Variants in ESRRG observed in about 807,000 individuals in gnomAD.
ESRRG encodes the protein estrogen related receptor gamma.
In ESRRG, 13 loss-of-function variants were observed where a neutral mutation model predicts 44.0. That is an observed-to-expected ratio of 0.30 (90% CI 0.19 to 0.47). The LOEUF (loss-of-function observed/expected upper bound fraction) is 0.47. Ranked by LOEUF, ESRRG falls within the 20% of genes least tolerant of loss-of-function variation. The pLI, the probability that ESRRG is intolerant of heterozygous loss-of-function variation, is 1.00. For synonymous variants in ESRRG, 215 were observed against 214.6 expected, an observed-to-expected ratio of 1.00 and a Z score of -0.02; for missense variants, 395 against 580.6, an observed-to-expected ratio of 0.68 and a Z score of 3.29.
intron 5 of ESRRG, among the ~76,000 whole-genome samples, chr1:216,525,238 G>T (rs1384835738): frequency 6.6e-6 from 1 of 152,026 alleles, no homozygotes; most frequent in African/African-American, 2.4e-5. Context: ...TTTAACAACT[G>T]CCAGCCTACT....
intron 1 of ESRRG, among the ~76,000 whole-genome samples, chr1:217,129,762 A>C (rs1297563698): frequency 6.6e-6 from 1 of 152,194 alleles, no homozygotes; most frequent in Admixed American, 6.5e-5. Context: ...AGGCAAACCC[A>C]TAGAGACAGA....
intron 2 of ESRRG, among the ~76,000 whole-genome samples, chr1:216,659,126 C>A (rs2071572005): frequency 6.6e-6 from 1 of 152,052 alleles, no homozygotes; most frequent in Non-Finnish European, 1.5e-5. Flanking sequence ...CAGTTTTGGT[C>A]CCTTTTCTGA....
chr1:217,088,858 C>G (rs571545670), intron 1 of ESRRG, among the ~76,000 whole-genome samples: 82 of 152,014 alleles, frequency 5.4e-4, no homozygotes, highest in Non-Finnish European at 1.1e-3. Flanking sequence ...CCTGCAGAGG[C>G]TCTAACAGAC....
At chr1:217,005,733 A>G (rs999243233) in intron 1 of ESRRG, among the ~76,000 whole-genome samples, 4 of 151,852 alleles carry the variant, frequency 2.6e-5, no homozygotes, top group African/African-American at 9.7e-5. Flanking sequence ...TTAGGAAAAA[A>G]ATTTTTAATA....
At chr1:216,553,687 C>T (rs974200939) in intron 5 of ESRRG, among the ~76,000 whole-genome samples, 3 of 151,996 alleles carry the variant, frequency 2.0e-5, no homozygotes, top group Non-Finnish European at 2.9e-5. Context: ...TGCACTAGTA[C>T]ATTTAAATTC....
At chr1:216,657,392 T>C (rs1469676024) in intron 2 of ESRRG, among the ~76,000 whole-genome samples, 2 of 152,200 alleles carry the variant, frequency 1.3e-5, no homozygotes, top group African/African-American at 4.8e-5. Flanking sequence ...TACTTTTTGG[T>C]GCTTCCTTTA....
chr1:216,708,127 T>G (rs902620569), intron 1 of ESRRG, among the ~76,000 whole-genome samples: 2 of 152,156 alleles, frequency 1.3e-5, no homozygotes, highest in Non-Finnish European at 2.9e-5. Context: ...ATATTCAACG[T>G]GTGTTAAGAC....
chr1:216,628,933 T>C (rs960929418), intron 3 of ESRRG, among the ~76,000 whole-genome samples: 2 of 152,140 alleles, frequency 1.3e-5, no homozygotes, highest in Admixed American at 1.3e-4. Context: ...GGAGCAAAAC[T>C]CTCTCTCAGC....
intron 5 of ESRRG, among the ~76,000 whole-genome samples, chr1:216,545,712 A>C (rs1202885730): frequency 6.6e-6 from 1 of 152,070 alleles, no homozygotes; most frequent in Non-Finnish European, 1.5e-5. Context: ...CTTTCTCCCC[A>C]TTATATGTGA....
intron 1 of ESRRG, among the ~76,000 whole-genome samples, chr1:216,994,660 C>A (rs1038560309): frequency 1.8e-4 from 27 of 152,162 alleles, no homozygotes; most frequent in African/African-American, 6.0e-4. Flanking sequence ...CGGCTCACTG[C>A]AAGCTCCATC....
rs78408606 is a variant in ESRRG, at chr1:216,835,179, C to T, written c.-14+104403G>A. ...ATCAGAGTTGAATCTTTGGTAACAC[C>T]GTGTTGAAAGAAAAACTTCAGCTGA... is the stretch of plus-strand genomic sequence containing the variant. On this transcript the variant is annotated intron_variant, in intron 2 of 7. Transcript: ENST00000359162. Among the ~76,000 whole-genome samples, 12 of 152,074 alleles carry T rather than the reference C, an allele frequency of 7.9e-5. No individual in the cohort carries two copies. In the East Asian group the frequency reaches 2.1e-3, roughly 27 times the overall value.
At chr1:217,062,373 AAC>A (rs774888316) in intron 1 of ESRRG, among the ~76,000 whole-genome samples, 2 of 152,138 alleles carry the variant, frequency 1.3e-5, no homozygotes, top group Non-Finnish European at 2.9e-5. Flanking sequence ...CTGCCTATTA[AAC>A]ACCCTACCTT....
intron 3 of ESRRG, among the ~76,000 whole-genome samples, chr1:216,634,553 C>T (rs2064904029): frequency 6.6e-6 from 1 of 152,176 alleles, no homozygotes; most frequent in African/African-American, 2.4e-5. Context: ...AAACTGCATC[C>T]AAATCCTTTT....
intron 1 of ESRRG, among the ~76,000 whole-genome samples, chr1:217,013,084 G>A (rs1321394076): frequency 6.6e-6 from 1 of 152,160 alleles, no homozygotes; most frequent in African/African-American, 2.4e-5. Flanking sequence ...GATAATCCTG[G>A]ATTGGAGCTC....
At chr1:216,686,973 C>T (rs1006208112) in intron 1 of ESRRG, among the ~76,000 whole-genome samples, 5 of 151,990 alleles carry the variant, frequency 3.3e-5, no homozygotes, top group African/African-American at 9.7e-5. Flanking sequence ...CCCAAACTTC[C>T]ATTTCCTTTG....
intron 2 of ESRRG, among the ~76,000 whole-genome samples, chr1:216,674,040 T>G (rs1427987583): frequency 6.6e-6 from 1 of 152,236 alleles, no homozygotes; most frequent in Non-Finnish European, 1.5e-5. Context: ...AAATATTTGC[T>G]TATCTTTGTG....
At chr1:217,058,494 T>G (rs1393904576) in intron 1 of ESRRG, among the ~76,000 whole-genome samples, 2 of 152,088 alleles carry the variant, frequency 1.3e-5, no homozygotes, top group Non-Finnish European at 2.9e-5. Flanking sequence ...ATATAGTTAC[T>G]TGTGGACTTA....
chr1:216,839,033 C>A (rs1238997863), intron 2 of ESRRG, among the ~76,000 whole-genome samples: 1 of 152,140 alleles, frequency 6.6e-6, no homozygotes, highest in Non-Finnish European at 1.5e-5. Context: ...GATTATCCTG[C>A]ACGCAGGGTA....
intron 1 of ESRRG, among the ~76,000 whole-genome samples, chr1:217,050,566 T>C (rs1032990377): frequency 6.6e-6 from 1 of 152,106 alleles, no homozygotes; most frequent in Admixed American, 6.5e-5. Context: ...TGGGGATCAA[T>C]TGACAAAATG....
Sources: allele counts gnomAD v4.1 joint callset (sites outside exome capture counted in the v4.1 genomes callset), GRCh38; gene constraint gnomAD v4.1.1; transcripts MANE v1.5; gene names NCBI Gene and HGNC (gene_info 2026-07-23, HGNC 2026-07-21).